The following FAM20A variants were observed in gnomAD, a reference collection of about 807,000 sequenced individuals.
FAM20A encodes the protein FAM20A golgi associated secretory pathway pseudokinase.
In FAM20A, 42 loss-of-function variants were observed where a neutral mutation model predicts 52.0. The ratio of observed to expected loss-of-function variants is 0.81; its 90% CI spans 0.63 to 1.04. FAM20A has a LOEUF of 1.04. Among genes scored for constraint, FAM20A ranks in the 50% least tolerant of loss-of-function variants. The pLI, the probability that FAM20A is intolerant of heterozygous loss-of-function variation, is 0.00. For synonymous variants in FAM20A, 304 were observed against 298.9 expected, an observed-to-expected ratio of 1.02 and a Z score of -0.18; for missense variants, 742 against 712.7, an observed-to-expected ratio of 1.04 and a Z score of -0.47.
Position 68,572,018 on chromosome 17 carries a change from A to ATATATC in FAM20A, c.405-16276_405-16275insGATATA, listed in dbSNP as rs1411888088. On this transcript the variant is annotated intron_variant, in intron 1 of 10. Transcript: ENST00000592554. Reference sequence around the variant, plus strand: ...TATATATATATATATATATATATATATATATATATATATATATATATATGT... The same window carrying ATATATC: ...TATATATATATATATATATATATATATATATCTATATATATATATATATATATATGT... Among the ~76,000 whole-genome samples the ATATATC allele has an allele frequency of 1.1e-4, 13 of 115,778 alleles. 1 individual carries two copies. Among genetic ancestry groups the ATATATC allele is most frequent in the African/African-American group, 3.8e-4 (11 of 28,600 alleles). 76.0% of individuals were successfully genotyped at this position (115,778 alleles called of 152,430 possible). A position where few individuals can be genotyped will look rare whatever the true frequency, so the allele number is the denominator to read the frequency against.
intron 1 of FAM20A, among the ~76,000 whole-genome samples, chr17:68,568,413 A>G (rs757658618): frequency 1.3e-4 from 19 of 151,782 alleles, no homozygotes; most frequent in Non-Finnish European, 2.6e-4. Context: ...GCTTGCAGTG[A>G]GCGGAGATCG....
chr17:68,558,335 G>C (rs927989701), intron 1 of FAM20A: 4 of 443,636 alleles, frequency 9.0e-6, no homozygotes, highest in Admixed American at 4.8e-5. Flanking sequence ...CATACCATCA[G>C]ATATGGTTTG....
intron 1 of FAM20A, among the ~76,000 whole-genome samples, chr17:68,596,341 A>C (rs935151027): frequency 2.0e-5 from 3 of 152,230 alleles, no homozygotes; most frequent in Non-Finnish European, 2.9e-5. Context: ...GGGTTTCTAC[A>C]TTAGGGAGAG....
intron 4 of FAM20A, 57 bp downstream of exon 4, chr17:68,551,816 C>G: frequency 7.5e-7 from 1 of 1,341,476 alleles, no homozygotes; most frequent in Non-Finnish European, 1.0e-6. Flanking sequence ...GTTTTTGGTC[C>G]AAATCTTCCC....
intron 1 of FAM20A, among the ~76,000 whole-genome samples, chr17:68,591,335 G>A (rs914329117): frequency 9.9e-5 from 15 of 152,136 alleles, no homozygotes; most frequent in African/African-American, 3.4e-4. Flanking sequence ...TCTTGACCTC[G>A]TGATCCGCCC....
chr17:68,600,116 AAC>A lies in FAM20A; in HGVS notation c.404+145_404+146del. ...AACAGCTGGTGGGGTTCGGGTGGGG[AAC>A]ACACTCTAAGCCCAGCGCCAGGGCT... On this transcript the variant is annotated intron_variant, in intron 1 of 10. Transcript: ENST00000592554. This position sits in a 1 kb window ranked among gnomAD's most constrained non-coding sequence, Gnocchi z 6.2. The A allele has an allele frequency of 1.1e-6, 1 of 918,434 alleles. No individual in the cohort carries two copies. The highest frequency in any genetic ancestry group is 1.7e-5 in the South Asian group (1 of 57,394). 56.9% of individuals were successfully genotyped at this position (918,434 alleles called of 1,614,324 possible).
At chr17:68,541,161 A>G (rs1427490774) in intron 7 of FAM20A, 6 of 662,738 alleles carry the variant, frequency 9.1e-6, no homozygotes, top group Non-Finnish European at 1.5e-5. Flanking sequence ...TGGGTCCTTT[A>G]AGTCTGGTGG....
At chr17:68,539,244 G>T in intron 10 of FAM20A, 93 bp downstream of exon 10, 1 of 1,266,052 alleles carries the variant, frequency 7.9e-7, no homozygotes, top group Non-Finnish European at 1.2e-6. Context: ...TCCTGGACCA[G>T]TGAAAACTGG....
chr17:68,558,154 A>C (rs2087107004), intron 1 of FAM20A, among the ~76,000 whole-genome samples: 1 of 152,196 alleles, frequency 6.6e-6, no homozygotes, highest in African/African-American at 2.4e-5. Flanking sequence ...GAAAGCCACC[A>C]TGAGGAGCTG....
chr17:68,600,074 T>C lies in FAM20A; in HGVS notation c.404+189A>G, dbSNP rs1222337430. Among the ~76,000 whole-genome samples, 1 of 152,202 alleles carries C rather than the reference T, an allele frequency of 6.6e-6. No homozygotes were observed. The highest frequency in any genetic ancestry group is 1.5e-5 in the Non-Finnish European group (1 of 68,034). ...TCCTCGTACTATCTGACTCCGGGAC[T>C]GGACTGTGAGGTCTGCAACAGCTGG... On this transcript the variant is annotated intron_variant, in intron 1 of 10. Coordinates refer to ENST00000592554, the MANE Select transcript of FAM20A (RefSeq NM_017565.4). The surrounding 1 kb of genome is among the most constrained non-coding windows in gnomAD (Gnocchi z 6.2).
chr17:68,548,210 A>G (rs1011793250), intron 4 of FAM20A, among the ~76,000 whole-genome samples: 2 of 152,234 alleles, frequency 1.3e-5, no homozygotes, highest in Admixed American at 6.5e-5. Context: ...CCTGGCCAAC[A>G]CAGTGAAACC....
chr17:68,538,771 G>A (rs562931598), intron 10 of FAM20A, among the ~76,000 whole-genome samples: 1 of 152,206 alleles, frequency 6.6e-6, no homozygotes, highest in Non-Finnish European at 1.5e-5. Context: ...GTGGGTCAAC[G>A]ATTAAAGTTG....
chr17:68,554,138 A>G (rs2086987030), intron 3 of FAM20A, among the ~76,000 whole-genome samples: 1 of 151,680 alleles, frequency 6.6e-6, no homozygotes, highest in Non-Finnish European at 1.5e-5. Context: ...ATATATATAT[A>G]TATATATTTT....
intron 5 of FAM20A, among the ~76,000 whole-genome samples, chr17:68,543,339 C>G (rs1334870753): frequency 6.6e-6 from 1 of 152,070 alleles, no homozygotes; most frequent in Non-Finnish European, 1.5e-5. Flanking sequence ...GGTGCATTCT[C>G]CTCGCTCTCA....
chr17:68,591,742 T>TG (rs35072390), intron 1 of FAM20A: 36,229 of 152,090 alleles, frequency 0.24, 4,884 homozygotes, highest in East Asian at 0.47. Context: ...ACTGGGAGGA[T>TG]GGGGGTGGAG....
At position 68,535,213 on chromosome 17, in the gene FAM20A, AT is replaced by A. The variant is rs767149758; in HGVS notation, c.*2263del. ...AGAATGAAACGGTTGGTTTTCTGAT[AT>A]TTTTGAGAAATGAGTCTTAATTTTG... On this transcript the variant is annotated 3_prime_UTR_variant, in exon 11 of 11. Coordinates refer to ENST00000592554, the MANE Select transcript of FAM20A (RefSeq NM_017565.4). The A allele has an allele frequency of 2.2e-6, 1 of 448,348 alleles. No homozygotes were observed. The highest frequency in any genetic ancestry group is 1.6e-5 in the South Asian group (1 of 64,026). The allele number at this position is 448,348 out of a possible 1,614,324, so 27.8% of individuals were successfully genotyped here.
chr17:68,586,116 C>T (rs2088158623), intron 1 of FAM20A, among the ~76,000 whole-genome samples: 1 of 152,158 alleles, frequency 6.6e-6, no homozygotes, highest in Non-Finnish European at 1.5e-5. Flanking sequence ...TGAGAAGTTC[C>T]TCACTCTTGG....
intron 1 of FAM20A, among the ~76,000 whole-genome samples, chr17:68,589,620 G>A (rs1422304292): frequency 6.6e-6 from 1 of 151,994 alleles, no homozygotes; most frequent in East Asian, 1.9e-4. Context: ...AGAAAGGAAG[G>A]AAGTTTACTC....
intron 1 of FAM20A, among the ~76,000 whole-genome samples, chr17:68,563,598 A>G (rs1318876773): frequency 6.6e-6 from 1 of 151,870 alleles, no homozygotes; most frequent in Non-Finnish European, 1.5e-5. Context: ...TAAACAAACA[A>G]AACCACTTCC....
Sources: gnomAD v4.1 joint callset for allele counts (sites outside exome capture counted in the v4.1 genomes callset) on GRCh38, gnomAD v4.1.1 for gene constraint, Gnocchi (gnomAD v3.1) non-coding constraint, MANE v1.5 for transcripts, NCBI Gene and HGNC (gene_info 2026-07-23, HGNC 2026-07-21) for gene names.